XPNPEP1: variants seen among roughly 807,000 people sequenced by gnomAD.
XPNPEP1 encodes X-prolyl aminopeptidase 1.
A neutral mutation model predicts 92.4 loss-of-function variants in XPNPEP1; 39 were observed. The ratio of observed to expected loss-of-function variants is 0.42; its 90% CI spans 0.33 to 0.55. The LOEUF (loss-of-function observed/expected upper bound fraction) is 0.55, where lower values mean the gene tolerates loss of function less well. XPNPEP1 is among the 20% of genes least tolerant of loss of function. The probability of loss-of-function intolerance (pLI) is 0.08; values close to 1 mark genes in which losing one functional copy is unlikely to be tolerated. For synonymous variants in XPNPEP1, 307 were observed against 299.4 expected (o/e 1.03, Z -0.26); for missense variants, 654 against 856.1 (o/e 0.76, Z 2.95).
At chr10:109,883,981 G>T (rs1848248508) in intron 9 of XPNPEP1, 86 bp downstream of exon 9, 1 of 1,201,226 alleles carries the variant, frequency 8.3e-7, no homozygotes, top group Non-Finnish European at 1.2e-6. Flanking sequence ...ATATCAGGCA[G>T]TGATGGGTGG....
At chr10:109,917,870 T>C (rs1301333654) in intron 1 of XPNPEP1, among the ~76,000 whole-genome samples, 1 of 152,206 alleles carries the variant, frequency 6.6e-6, no homozygotes, top group Non-Finnish European at 1.5e-5. Context: ...GAATAGTCTC[T>C]TCCACAAATG....
rs984272035 is a variant in XPNPEP1, at chr10:109,865,077, AG to A, written c.*106del. 1.5e-5 allele frequency: 22 copies of A among 1,485,458 alleles called. No individual in the cohort carries two copies. In the African/African-American group the frequency reaches 3.1e-4, roughly 21 times the overall value. 92.0% of individuals were successfully genotyped at this position (1,485,458 alleles called of 1,614,324 possible). A position where few individuals can be genotyped will look rare whatever the true frequency, so the allele number is the denominator to read the frequency against. The stretch of plus-strand genomic sequence containing the variant: ...GTTCTTCTTAAAGTCTAAAGTAAAA[AG>A]GGGAGGTAGGGAAGAAGGAAAGGAA... On this transcript the variant is annotated 3_prime_UTR_variant, in exon 21 of 21. Coordinates refer to ENST00000502935, the MANE Select transcript of XPNPEP1 (RefSeq NM_020383.4).
chr10:109,915,251 T>C (rs1426572018), intron 1 of XPNPEP1, 152 bp from the exon 2 acceptor site: 1 of 421,762 alleles, frequency 2.4e-6, no homozygotes, highest in African/African-American at 2.0e-5. Context: ...AAATAAAAGT[T>C]TGATGTAAAA....
At chr10:109,903,708 C>T (rs1849406624) in intron 3 of XPNPEP1, among the ~76,000 whole-genome samples, 1 of 152,186 alleles carries the variant, frequency 6.6e-6, no homozygotes, top group African/African-American at 2.4e-5. Flanking sequence ...GTCTGCCCTT[C>T]TTAAATGGGG....
intron 9 of XPNPEP1, 51 bp downstream of exon 9, chr10:109,884,015 AG>A (rs887063560): frequency 6.4e-7 from 1 of 1,565,064 alleles, no homozygotes; most frequent in African/African-American, 1.4e-5. Flanking sequence ...AGGGCACACT[AG>A]GGCTCTGAGG....
intron 15 of XPNPEP1, 90 bp from the exon 16 acceptor site, chr10:109,873,517 C>T: frequency 6.7e-7 from 1 of 1,485,654 alleles, no homozygotes; most frequent in Non-Finnish European, 9.4e-7. Flanking sequence ...GTGAGAAGCC[C>T]CATACAATGC....
intron 2 of XPNPEP1, 33 bp from the exon 3 acceptor site, chr10:109,907,848 G>A: frequency 6.2e-7 from 1 of 1,612,450 alleles, no homozygotes; most frequent in Middle Eastern, 1.7e-4. Context: ...TTCAAAACCA[G>A]CCTGCCCCCA....
chr10:109,905,498 G>A (rs966894346), intron 3 of XPNPEP1, among the ~76,000 whole-genome samples: 1 of 152,102 alleles, frequency 6.6e-6, no homozygotes, highest in Admixed American at 6.5e-5. Context: ...GTGAGCCACC[G>A]TGACTGGCCC....
chr10:109,883,434 C>T (rs1848217503), intron 9 of XPNPEP1, among the ~76,000 whole-genome samples: 1 of 152,148 alleles, frequency 6.6e-6, no homozygotes, highest in Admixed American at 6.5e-5. Context: ...TCTCGTAACA[C>T]CTGTATCTGT....
intron 3 of XPNPEP1, among the ~76,000 whole-genome samples, chr10:109,907,378 C>A (rs1466021991): frequency 6.6e-6 from 1 of 152,328 alleles, no homozygotes; most frequent in African/African-American, 2.4e-5. Context: ...AGAGACAGGG[C>A]AAACAATTCT....
Position 109,882,438 on chromosome 10 carries a change from G to T in XPNPEP1, c.1035C>A (p.Ile345=). 6.2e-7 allele frequency: 1 copy of T among 1,610,784 alleles called. No homozygotes were observed. The highest frequency in any genetic ancestry group is 8.5e-7 in the Non-Finnish European group (1 of 1,177,280). The stretch of plus-strand genomic sequence containing the variant: ...CCAAAGTGGGGTCACCAACCTTGGG[G>T]ATGGTCTCGCTCACAGCATAGCTGG... The part of the protein sequence containing the change: ...DKASYAVSET[I]PKDHRCCMPY... Residue 345 remains isoleucine, a synonymous_variant, in exon 10 of 21, where the codon ATC becomes ATA. Coordinates refer to ENST00000502935, the MANE Select transcript of XPNPEP1 (RefSeq NM_020383.4).
In XPNPEP1 at chr10:109,914,323, T is replaced by C. The variant is rs139503057; in HGVS notation, c.121+688A>G. 3.4e-3 allele frequency among the ~76,000 whole-genome samples: 511 copies of C among 152,314 alleles called. 1 individual carries two copies. Among genetic ancestry groups the C allele is most frequent in the Non-Finnish European group, 4.1e-3 (278 of 68,026 alleles). On this transcript the variant is annotated intron_variant, in intron 2 of 20. Coordinates refer to ENST00000502935, the MANE Select transcript of XPNPEP1 (RefSeq NM_020383.4). The stretch of plus-strand genomic sequence containing the variant: ...ATTACAAGCTTTTCTCATTTTGCAA[T>C]CTTATGATCAAAATTGAAAGCTAAT...
intron 3 of XPNPEP1, among the ~76,000 whole-genome samples, chr10:109,896,162 T>G (rs948358835): frequency 6.6e-6 from 1 of 152,208 alleles, no homozygotes; most frequent in Non-Finnish European, 1.5e-5. Flanking sequence ...ATCATTACAT[T>G]TGAGATCAAA....
chr10:109,889,427 T>G (rs548846431), intron 5 of XPNPEP1, among the ~76,000 whole-genome samples: 16 of 152,320 alleles, frequency 1.1e-4, no homozygotes, highest in Admixed American at 4.6e-4. Context: ...GGTCTTGAAC[T>G]CCTGGCCTCA....
At chr10:109,870,968 G>A in intron 17 of XPNPEP1, 64 bp from the exon 18 acceptor site, 2 of 1,548,212 alleles carry the variant, frequency 1.3e-6, no homozygotes, top group South Asian at 2.5e-5. Flanking sequence ...AATTTATTAT[G>A]TGTGGCTCCA....
In XPNPEP1 at chr10:109,869,032, G is replaced by A. The variant is rs562997043; in HGVS notation, c.1774-320C>T. Among the ~76,000 whole-genome samples, 11 of 152,250 alleles carry A rather than the reference G, an allele frequency of 7.2e-5. 1 individual carries two copies. Among genetic ancestry groups the A allele is most frequent in the Middle Eastern group, 3.4e-3 (1 of 294 alleles). On this transcript the variant is annotated intron_variant, in intron 19 of 20. Transcript: ENST00000502935. ...GGATATGGGGGTATCTGGGCTTAGG[G>A]GCATCTCTGGTTTTGGTTCTCCAGG...
At chr10:109,898,626 C>A (rs1849111440) in intron 3 of XPNPEP1, among the ~76,000 whole-genome samples, 3 of 152,194 alleles carry the variant, frequency 2.0e-5, no homozygotes, top group African/African-American at 7.2e-5. Context: ...TGAGGCGACA[C>A]CCAATTAGCC....
intron 8 of XPNPEP1, among the ~76,000 whole-genome samples, chr10:109,885,382 AT>A (rs534305591): frequency 1.0e-3 from 154 of 150,548 alleles, no homozygotes; most frequent in African/African-American, 3.3e-3. Flanking sequence ...TTTATACGTG[AT>A]TTTTTTTTTC....
intron 4 of XPNPEP1, among the ~76,000 whole-genome samples, chr10:109,892,760 C>G (rs1258719595): frequency 6.6e-6 from 1 of 151,944 alleles, no homozygotes; most frequent in Non-Finnish European, 1.5e-5. Context: ...ATAAAAAGTT[C>G]AAAAACTTTT....
Sources: gnomAD v4.1 joint callset for allele counts (sites outside exome capture counted in the v4.1 genomes callset) on GRCh38, gnomAD v4.1.1 for gene constraint, MANE v1.5 for transcripts, NCBI Gene and HGNC (gene_info 2026-07-23, HGNC 2026-07-21) for gene names.